The following ZBTB7C variants were observed in gnomAD, a reference collection of about 807,000 sequenced individuals.
The protein encoded by ZBTB7C is zinc finger and BTB domain containing 7C, also known as zinc finger and BTB domain-containing protein 7C.
Under a neutral mutation model 25.7 loss-of-function variants are expected in ZBTB7C, and 8 were observed. That is an observed-to-expected ratio of 0.31 (90% CI 0.18 to 0.56). The LOEUF is 0.56. ZBTB7C is among the 20% of genes least tolerant of loss of function. The pLI is 0.91. For missense variants in ZBTB7C, 824 were observed against 855.2 expected (o/e 0.96, Z 0.46); for synonymous variants, 394 against 369.0 (o/e 1.07, Z -0.78).
chr18:48,142,407 C>A (rs1223311089), intron 3 of ZBTB7C, among the ~76,000 whole-genome samples: 1 of 152,188 alleles, frequency 6.6e-6, no homozygotes, highest in Non-Finnish European at 1.5e-5. Context: ...GTGGGCCAAG[C>A]ACAGGGTGCT....
At chr18:48,091,238 A>ATT (rs35051690) in intron 3 of ZBTB7C, among the ~76,000 whole-genome samples, 3,602 of 64,560 alleles carry the variant, frequency 0.056, 153 homozygotes, top group African/African-American at 0.12. Context: ...TGCCCGGATA[A>ATT]TTTTTTTTTT....
intron 3 of ZBTB7C, among the ~76,000 whole-genome samples, chr18:48,129,231 GA>G (rs1223383727): frequency 6.6e-5 from 10 of 150,900 alleles, no homozygotes; most frequent in Non-Finnish European, 1.5e-5. Flanking sequence ...GGAGAGTGGT[GA>G]AAAACCAAAG....
chr18:48,054,085 G>A (rs571700255), intron 3 of ZBTB7C, among the ~76,000 whole-genome samples: 8 of 152,330 alleles, frequency 5.3e-5, no homozygotes, highest in African/African-American at 1.9e-4. Context: ...GCTAGTCTGG[G>A]AAGCAGAGCA....
At chr18:48,277,940 G>A (rs1160017345) in intron 2 of ZBTB7C, among the ~76,000 whole-genome samples, 2 of 152,068 alleles carry the variant, frequency 1.3e-5, no homozygotes, top group Non-Finnish European at 2.9e-5. Flanking sequence ...TGGGAGTAGG[G>A]TGAGGTAAAG....
chr18:48,089,999 T>C (rs1388245486), intron 3 of ZBTB7C, among the ~76,000 whole-genome samples: 4 of 151,714 alleles, frequency 2.6e-5, no homozygotes, highest in Non-Finnish European at 2.9e-5. Flanking sequence ...GAGGTGGGAG[T>C]GTGGTCCGTG....
At chr18:48,270,551 G>A (rs185361608) in intron 2 of ZBTB7C, among the ~76,000 whole-genome samples, 9 of 150,486 alleles carry the variant, frequency 6.0e-5, no homozygotes, top group Non-Finnish European at 1.2e-4. Context: ...TTAGCCAGGT[G>A]TGGTGGCACG....
intron 3 of ZBTB7C, among the ~76,000 whole-genome samples, chr18:48,162,173 C>G (rs1450260668): frequency 1.3e-5 from 2 of 150,788 alleles, no homozygotes; most frequent in Non-Finnish European, 3.0e-5. Context: ...GAGGGCAGTG[C>G]CAGCTGCAGG....
intron 2 of ZBTB7C, among the ~76,000 whole-genome samples, chr18:48,310,523 G>C (rs562895089): frequency 6.6e-6 from 1 of 152,256 alleles, no homozygotes; most frequent in African/African-American, 2.4e-5. Context: ...AAAAGGGCCA[G>C]TGAGAGAAAG....
At chr18:48,042,883 T>TAACA (rs988488629) in intron 3 of ZBTB7C, among the ~76,000 whole-genome samples, 4 of 152,186 alleles carry the variant, frequency 2.6e-5, no homozygotes, top group African/African-American at 9.7e-5. Context: ...GCCTCTGCTC[T>TAACA]AACAGAGCTT....
At chr18:48,077,980 G>T (rs372509479) in intron 3 of ZBTB7C, among the ~76,000 whole-genome samples, 2 of 151,846 alleles carry the variant, frequency 1.3e-5, no homozygotes, top group Admixed American at 6.6e-5. Context: ...GTCTTGGGGT[G>T]GGGGGGAGGG....
rs114212521 is a variant in ZBTB7C at position 48,082,730 on chromosome 18, A to C, written c.-16-41607T>G. Among the ~76,000 whole-genome samples, 1,306 of 152,090 alleles carry C rather than the reference A, an allele frequency of 8.6e-3. 17 individuals carry two copies. The highest frequency in any genetic ancestry group is 0.027 in the Middle Eastern group (8 of 294). On this transcript the variant is annotated intron_variant, in intron 3 of 4. Coordinates refer to ENST00000590800, the MANE Select transcript of ZBTB7C (RefSeq NM_001318841.2). Reference sequence around the variant, plus strand: ...ATGTAATCTCATCATCCTCACAATGACCTTGCTGGGTGGGTATGGGCCCAT... The same window carrying C: ...ATGTAATCTCATCATCCTCACAATGCCCTTGCTGGGTGGGTATGGGCCCAT...
intron 3 of ZBTB7C, among the ~76,000 whole-genome samples, chr18:48,135,296 G>A (rs1045209549): frequency 2.6e-4 from 39 of 152,168 alleles, no homozygotes; most frequent in Non-Finnish European, 4.3e-4. Flanking sequence ...ATTAAAAAAA[G>A]TTAATATTAA....
intron 1 of ZBTB7C, among the ~76,000 whole-genome samples, chr18:48,343,669 G>A (rs1183281455): frequency 6.6e-6 from 1 of 152,164 alleles, no homozygotes; most frequent in Non-Finnish European, 1.5e-5. Context: ...AAACAGGAGT[G>A]GGTCGGGAGT....
At position 48,040,368 on chromosome 18, in the gene ZBTB7C, G is replaced by C; in HGVS notation, c.740C>G (p.Ser247Cys). ...PKANIPDRRP[S>C]LSPFAPDFFP... The stretch of plus-strand genomic sequence containing the variant: ...GAAGTCCGGGGCGAATGGAGACAAG[G>C]AGGGTCTCCTGTCGGGGATGTTGGC... Residue 247 changes from serine (S) to cysteine (C), a missense_variant, in exon 4 of 5, where the codon TCC (serine) becomes TGC (cysteine). Physicochemically the swap from Ser to Cys is moderately radical, Grantham distance 112. Transcript: ENST00000590800. 1 of 1,611,552 alleles carries C rather than the reference G, an allele frequency of 6.2e-7. No homozygotes were observed. Among genetic ancestry groups the C allele is most frequent in the Non-Finnish European group, 8.5e-7 (1 of 1,178,752 alleles).
chr18:48,130,326 A>C (rs1446486807), intron 3 of ZBTB7C, among the ~76,000 whole-genome samples: 1 of 152,198 alleles, frequency 6.6e-6, no homozygotes, highest in East Asian at 1.9e-4. Flanking sequence ...TAATAATAGA[A>C]GAAGAGGAGC....
At chr18:48,402,013 C>T (rs1320357304) in intron 1 of ZBTB7C, among the ~76,000 whole-genome samples, 1 of 152,152 alleles carries the variant, frequency 6.6e-6, no homozygotes, top group Non-Finnish European at 1.5e-5. Flanking sequence ...AAGCCTTGAC[C>T]TCCATGAACT....
intron 3 of ZBTB7C, among the ~76,000 whole-genome samples, chr18:48,155,354 G>T (rs1299412615): frequency 3.6e-5 from 4 of 109,772 alleles, no homozygotes; most frequent in Admixed American, 2.6e-4. Context: ...TTGAGACAGA[G>T]TCTCACTCTA....
Position 48,285,700 on chromosome 18 carries a change from C to T in ZBTB7C, c.-79+52474G>A, listed in dbSNP as rs569235687. 2.6e-4 allele frequency among the ~76,000 whole-genome samples: 39 copies of T among 152,278 alleles called. No homozygotes were observed. The East Asian group carries it at 4.4e-3, about 17-fold the overall frequency. On this transcript the variant is annotated intron_variant, in intron 2 of 4. Coordinates refer to ENST00000590800, the MANE Select transcript of ZBTB7C (RefSeq NM_001318841.2). Reference sequence around the variant, plus strand: ...AAATTGTGTATGTGATTCTTACAAACGGCATATACCTGGATCTTGTGCCCT... The same window carrying T: ...AAATTGTGTATGTGATTCTTACAAATGGCATATACCTGGATCTTGTGCCCT...
intron 3 of ZBTB7C, among the ~76,000 whole-genome samples, chr18:48,047,065 C>T (rs2036502817): frequency 6.6e-6 from 1 of 152,182 alleles, no homozygotes; most frequent in Admixed American, 6.5e-5. Context: ...AGACTAACCT[C>T]AGTGGCAGGG....
Sources: allele counts gnomAD v4.1 joint callset (sites outside exome capture counted in the v4.1 genomes callset), GRCh38; gene constraint gnomAD v4.1.1; transcripts MANE v1.5; gene names NCBI Gene and HGNC (gene_info 2026-07-23, HGNC 2026-07-21).